The following SDK1 variants were observed in gnomAD, a reference collection of about 807,000 sequenced individuals.
SDK1 encodes the protein protein sidekick-1.
A neutral mutation model predicts 245.5 loss-of-function variants in SDK1; 157 were observed. The observed-to-expected ratio is 0.64, with a 90% confidence interval of 0.56 to 0.73. The LOEUF (loss-of-function observed/expected upper bound fraction) is 0.73. Among genes scored for constraint, SDK1 ranks in the 30% least tolerant of loss-of-function variants. The pLI is 0.00. For missense variants in SDK1, 3,583 were observed against 3,002.3 expected (o/e 1.19, Z -4.52); for synonymous variants, 1,647 against 1,278.5 (o/e 1.29, Z -6.15).
intron 1 of SDK1, among the ~76,000 whole-genome samples, chr7:3,554,271 A>T (rs774279408): frequency 2.0e-5 from 3 of 152,204 alleles, no homozygotes; most frequent in Admixed American, 6.5e-5. Flanking sequence ...AGTGGAGTCT[A>T]TTAGAAATCA....
At position 3,962,723 on chromosome 7, in the gene SDK1, G is replaced by C; in HGVS notation, c.1301G>C (p.Arg434Pro). 1 of 1,613,752 alleles carries C rather than the reference G, an allele frequency of 6.2e-7. No individual in the cohort carries two copies. The highest frequency in any genetic ancestry group is 1.1e-5 in the South Asian group (1 of 91,050). The change falls in exon 9 of 45, where the codon CGA becomes CCA. Residue 434 changes from arginine (R) to proline (P), a missense_variant. Transcript: ENST00000404826. ...TCCATCAGCAGGCTCCAGAATCCTC[G>C]ATACAAAGTGCTCGCCAGCGGAGGC... ...AISISRLQNP[R>P]YKVLASGGLR...
chr7:3,845,693 T>C (rs1391385234), intron 5 of SDK1, among the ~76,000 whole-genome samples: 1 of 117,902 alleles, frequency 8.5e-6, no homozygotes, highest in Non-Finnish European at 1.7e-5. Flanking sequence ...GTGCTTCTCC[T>C]TTTTTTTTTT....
In SDK1 at chr7:4,073,951, C is replaced by T. The variant is rs181151529; in HGVS notation, c.3011-3047C>T. Among the ~76,000 whole-genome samples, 104 of 144,374 alleles carry T rather than the reference C, an allele frequency of 7.2e-4. 1 individual carries two copies. In the East Asian group the frequency reaches 0.018, roughly 25 times the overall value. The allele number at this position is 144,374 out of a possible 152,430, so 94.7% of individuals were successfully genotyped here. On this transcript the variant is annotated intron_variant, in intron 20 of 44. Coordinates refer to ENST00000404826, the MANE Select transcript of SDK1 (RefSeq NM_152744.4). ...GGCCCCTCTCCCAGTTCCTCATAGG[C>T]TGAGCACTATGGGGTGGGGCGGGGG...
At chr7:3,839,676 T>G (rs1316235443) in intron 5 of SDK1, among the ~76,000 whole-genome samples, 1 of 152,202 alleles carries the variant, frequency 6.6e-6, no homozygotes, top group African/African-American at 2.4e-5. Context: ...AAAAAGAACA[T>G]TCCCATTTAT....
intron 1 of SDK1, among the ~76,000 whole-genome samples, chr7:3,524,505 C>T (rs754516208): frequency 3.3e-5 from 5 of 152,050 alleles, no homozygotes; most frequent in Admixed American, 6.5e-5. Flanking sequence ...CCAAACAGGC[C>T]TTACTGACAG....
intron 5 of SDK1, among the ~76,000 whole-genome samples, chr7:3,899,375 T>A (rs929042823): frequency 9.2e-5 from 14 of 152,214 alleles, no homozygotes; most frequent in African/African-American, 3.1e-4. Context: ...AGCAGAACTT[T>A]GTAGCCAAAA....
At chr7:3,452,973 A>G (rs1350547564) in intron 1 of SDK1, among the ~76,000 whole-genome samples, 1 of 152,158 alleles carries the variant, frequency 6.6e-6, no homozygotes, top group Non-Finnish European at 1.5e-5. Context: ...ATCCTTGAGA[A>G]AACTACTCAT....
intron 1 of SDK1, among the ~76,000 whole-genome samples, chr7:3,387,135 A>C (rs1017741557): frequency 6.6e-6 from 1 of 152,184 alleles, no homozygotes; most frequent in Non-Finnish European, 1.5e-5. Flanking sequence ...GTGCTAGGGC[A>C]TGATTTCAGG....
intron 4 of SDK1, among the ~76,000 whole-genome samples, chr7:3,746,229 A>T (rs535057267): frequency 2.0e-5 from 3 of 152,220 alleles, no homozygotes; most frequent in African/African-American, 7.2e-5. Context: ...ATGTCTAAAA[A>T]TTTACATACC....
At chr7:3,369,881 G>A (rs1781180428) in intron 1 of SDK1, among the ~76,000 whole-genome samples, 1 of 152,172 alleles carries the variant, frequency 6.6e-6, no homozygotes, top group South Asian at 2.1e-4. Context: ...GGGTATTTCA[G>A]GGCAGCACCT....
chr7:4,147,880 C>T (rs149546033), intron 29 of SDK1, among the ~76,000 whole-genome samples: 22 of 152,248 alleles, frequency 1.4e-4, no homozygotes, highest in African/African-American at 5.3e-4. Flanking sequence ...TGACTGTGCC[C>T]CTCCCGCGAG....
At chr7:3,465,000 A>G (rs1459676384) in intron 1 of SDK1, among the ~76,000 whole-genome samples, 1 of 152,184 alleles carries the variant, frequency 6.6e-6, no homozygotes, top group East Asian at 1.9e-4. Flanking sequence ...CATTGTTGCT[A>G]ACCAGAGGAA....
rs907757880 is a variant in SDK1 at position 4,268,717 on chromosome 7, A to C, written c.*3333A>C. 7.3e-7 allele frequency: 1 copy of C among 1,367,694 alleles called. No homozygotes were observed. Among genetic ancestry groups the C allele is most frequent in the African/African-American group, 1.5e-5 (1 of 67,722 alleles). The allele number at this position is 1,367,694 out of a possible 1,614,324, so 84.7% of individuals were successfully genotyped here. ...TGACGAGCAACCCGTCTGCGTACCT[A>C]AGTGTGGCTCCCCGTGGGTCAGCGT... On this transcript the variant is annotated 3_prime_UTR_variant, in exon 45 of 45. Coordinates refer to ENST00000404826, the MANE Select transcript of SDK1 (RefSeq NM_152744.4).
At chr7:3,438,459 G>A (rs1282240488) in intron 1 of SDK1, among the ~76,000 whole-genome samples, 3 of 152,130 alleles carry the variant, frequency 2.0e-5, no homozygotes, top group Non-Finnish European at 2.9e-5. Context: ...TTCTGTGGCC[G>A]CTATTTCTGT....
intron 17 of SDK1, among the ~76,000 whole-genome samples, chr7:4,031,390 A>G (rs1787807130): frequency 6.6e-6 from 1 of 152,236 alleles, no homozygotes; most frequent in African/African-American, 2.4e-5. Flanking sequence ...GGAAAAGTTT[A>G]CTAGCCAATG....
chr7:3,833,630 C>T (rs149543455), intron 5 of SDK1, among the ~76,000 whole-genome samples: 3 of 152,236 alleles, frequency 2.0e-5, no homozygotes, highest in South Asian at 2.1e-4. Flanking sequence ...GGTTCATTTC[C>T]GAAAGCTTAA....
chr7:3,828,236 C>A (rs895313002), intron 5 of SDK1, among the ~76,000 whole-genome samples: 10 of 151,818 alleles, frequency 6.6e-5, no homozygotes, highest in Non-Finnish European at 1.5e-4. Flanking sequence ...CGAGATCACT[C>A]CACTGCACTC....
chr7:3,339,387 T>G (rs1316641103), intron 1 of SDK1, among the ~76,000 whole-genome samples: 1 of 152,154 alleles, frequency 6.6e-6, no homozygotes, highest in African/African-American at 2.4e-5. Flanking sequence ...TAGCAATTAG[T>G]AAAACTATAC....
chr7:3,430,385 C>T (rs1483492516), intron 1 of SDK1, among the ~76,000 whole-genome samples: 1 of 152,130 alleles, frequency 6.6e-6, no homozygotes, highest in Non-Finnish European at 1.5e-5. Flanking sequence ...AAGCGTATTT[C>T]ACATTCTGAA....
Sources: gnomAD v4.1 joint callset for allele counts (sites outside exome capture counted in the v4.1 genomes callset) on GRCh38, gnomAD v4.1.1 for gene constraint, MANE v1.5 for transcripts, NCBI Gene and HGNC (gene_info 2026-07-23, HGNC 2026-07-21) for gene names.